The following EVA1C variants were observed in gnomAD, a reference collection of about 807,000 sequenced individuals.
EVA1C encodes the protein protein eva-1 homolog C.
In EVA1C, 25 loss-of-function variants were observed where a neutral mutation model predicts 45.4. The ratio of observed to expected loss-of-function variants is 0.55; its 90% CI spans 0.40 to 0.77. The LOEUF (loss-of-function observed/expected upper bound fraction) is 0.77. Among genes scored for constraint, EVA1C ranks in the 30% least tolerant of loss-of-function variants. The pLI is 0.00. For synonymous variants in EVA1C, 190 were observed against 221.2 expected (o/e 0.86, Z 1.25); for missense variants, 479 against 554.8 (o/e 0.86, Z 1.37).
chr21:32,482,854 C>CTTT (rs774611494), intron 4 of EVA1C, among the ~76,000 whole-genome samples: 17 of 60,964 alleles, frequency 2.8e-4, no homozygotes, highest in East Asian at 5.7e-4. Context: ...GTGTTATTCC[C>CTTT]TTTTTTTTTT....
chr21:32,432,616 C>T (rs1324478268), intron 1 of EVA1C, among the ~76,000 whole-genome samples: 1 of 152,168 alleles, frequency 6.6e-6, no homozygotes, highest in Non-Finnish European at 1.5e-5. Flanking sequence ...GTAGGCAGGT[C>T]TTTCGTTGCT....
At chr21:32,418,562 C>T (rs2034141358) in intron 1 of EVA1C, among the ~76,000 whole-genome samples, 3 of 152,170 alleles carry the variant, frequency 2.0e-5, no homozygotes, top group Non-Finnish European at 4.4e-5. Context: ...CGTAGCAACT[C>T]TGTGAGATCA....
intron 7 of EVA1C, among the ~76,000 whole-genome samples, chr21:32,513,504 A>T (rs1327910744): frequency 6.8e-6 from 1 of 146,016 alleles, no homozygotes; most frequent in Non-Finnish European, 1.5e-5. Flanking sequence ...ATTAATATTT[A>T]TAAATAATAT....
At chr21:32,509,392 G>A (rs1378367714) in intron 7 of EVA1C, among the ~76,000 whole-genome samples, 6 of 152,184 alleles carry the variant, frequency 3.9e-5, no homozygotes, top group South Asian at 2.1e-4. Context: ...AGGCCAAGAG[G>A]CACCTGGAGT....
In EVA1C at chr21:32,474,910, C is replaced by T. The variant is rs1363017799; in HGVS notation, c.634+7062C>T. ...AACAAAACATGCCTCCAGGGCGCAC[C>T]TGGGCCACAGGCTGCCAGTGCATGT... On this transcript the variant is annotated intron_variant, in intron 4 of 7. Coordinates refer to ENST00000300255, the MANE Select transcript of EVA1C (RefSeq NM_058187.5). This position sits in a 1 kb window ranked among gnomAD's most constrained non-coding sequence, Gnocchi z 4.4. 6.6e-6 allele frequency among the ~76,000 whole-genome samples: 1 copy of T among 152,242 alleles called. No individual in the cohort carries two copies. The highest frequency in any genetic ancestry group is 2.4e-5 in the African/African-American group (1 of 41,460).
intron 7 of EVA1C, among the ~76,000 whole-genome samples, chr21:32,506,661 T>C (rs2037730505): frequency 6.6e-6 from 1 of 152,042 alleles, no homozygotes; most frequent in Non-Finnish European, 1.5e-5. Context: ...GTGGCCACTC[T>C]AGAGGTGGGA....
chr21:32,417,794 C>T (rs1340380379), intron 1 of EVA1C, among the ~76,000 whole-genome samples: 3 of 152,126 alleles, frequency 2.0e-5, no homozygotes, highest in African/African-American at 7.2e-5. Context: ...CCTGGCAGCA[C>T]AATAAAATCT....
chr21:32,495,215 T>C (rs749212905), intron 5 of EVA1C, 45 bp downstream of exon 5: 4 of 1,601,858 alleles, frequency 2.5e-6, no homozygotes, highest in East Asian at 2.2e-5. Flanking sequence ...ACTGCCTCTT[T>C]TGGGGGAGGG....
intron 3 of EVA1C, 64 bp from the exon 4 acceptor site, chr21:32,467,632 A>G: frequency 6.6e-7 from 1 of 1,517,222 alleles, no homozygotes; most frequent in Non-Finnish European, 8.9e-7. Context: ...TGGGACTTGG[A>G]CAGAGCTCAC....
At chr21:32,413,309 AT>A (rs2033904835) in intron 1 of EVA1C, among the ~76,000 whole-genome samples, 1 of 152,206 alleles carries the variant, frequency 6.6e-6, no homozygotes, top group Non-Finnish European at 1.5e-5. Flanking sequence ...CGCTCGTTCT[AT>A]GGAGGCTCCT....
intron 3 of EVA1C, among the ~76,000 whole-genome samples, chr21:32,465,673 G>A (rs1250304396): frequency 2.0e-5 from 3 of 152,014 alleles, no homozygotes; most frequent in Non-Finnish European, 2.9e-5. Flanking sequence ...AATTTTTGTA[G>A]TTTTAGTAGA....
chr21:32,488,164 C>T (rs748428036), intron 4 of EVA1C, among the ~76,000 whole-genome samples: 1 of 152,170 alleles, frequency 6.6e-6, no homozygotes, highest in African/African-American at 2.4e-5. Flanking sequence ...ACTTATACAA[C>T]TCAACTGTAA....
At chr21:32,481,922 C>T (rs1014866462) in intron 4 of EVA1C, among the ~76,000 whole-genome samples, 2 of 152,118 alleles carry the variant, frequency 1.3e-5, no homozygotes, top group Non-Finnish European at 2.9e-5. Context: ...GTTTTCACTT[C>T]AAGGGAGCAA....
intron 7 of EVA1C, among the ~76,000 whole-genome samples, chr21:32,511,440 A>AT (rs2037948798): frequency 6.8e-6 from 1 of 147,368 alleles, no homozygotes; most frequent in African/African-American, 2.5e-5. Flanking sequence ...AAAAAAAAAA[A>AT]AGAAAGAAAG....
chr21:32,423,070 C>CAAAAAAAAAAAAAAAAAAAAA (rs3056306), intron 1 of EVA1C, among the ~76,000 whole-genome samples: 1 of 85,626 alleles, frequency 1.2e-5, no homozygotes, highest in African/African-American at 4.6e-5. Context: ...GACTCTGTCT[C>CAAAAAAAAAAAAAAAAAAAAA]AAAAAAAAAA....
At chr21:32,466,605 T>G (rs1389921384) in intron 3 of EVA1C, among the ~76,000 whole-genome samples, 1 of 152,068 alleles carries the variant, frequency 6.6e-6, no homozygotes, top group Non-Finnish European at 1.5e-5. Context: ...CAAACAAACT[T>G]TTCCCTGAAT....
At chr21:32,513,506 A>G (rs1234210059) in intron 7 of EVA1C, among the ~76,000 whole-genome samples, 1 of 147,128 alleles carries the variant, frequency 6.8e-6, no homozygotes, top group East Asian at 2.0e-4. Flanking sequence ...TAATATTTAT[A>G]AATAATATAC....
chr21:32,503,767 T>A (rs762454566), intron 6 of EVA1C, among the ~76,000 whole-genome samples, 159 bp from the exon 7 acceptor site: 32 of 152,198 alleles, frequency 2.1e-4, no homozygotes, highest in Non-Finnish European at 3.8e-4. Flanking sequence ...GTGCTCTTCC[T>A]GGGTTAATCT....
rs546918580 is a variant in EVA1C at position 32,487,452 on chromosome 21, G to A, written c.635-7575G>A. ...CAGTGGGTAGAACCTTTAGGCCAGT[G>A]GCAGCGACTCACATCCCTGTATTTT... is the stretch of plus-strand genomic sequence containing the variant. On this transcript the variant is annotated intron_variant, in intron 4 of 7. Transcript: ENST00000300255. Among the ~76,000 whole-genome samples the A allele has an allele frequency of 5.3e-5, 8 of 152,300 alleles. No homozygotes were observed. The South Asian group carries it at 1.7e-3, about 32-fold the overall frequency.
Sources: allele counts gnomAD v4.1 joint callset (sites outside exome capture counted in the v4.1 genomes callset), GRCh38; gene constraint gnomAD v4.1.1; non-coding constraint Gnocchi (gnomAD v3.1); transcripts MANE v1.5; gene names NCBI Gene and HGNC (gene_info 2026-07-23, HGNC 2026-07-21).